SPAG16: variants seen among roughly 807,000 people sequenced by gnomAD.
SPAG16 encodes the protein sperm associated antigen 16.
Under a neutral mutation model 80.4 loss-of-function variants are expected in SPAG16, and 86 were observed. That is an observed-to-expected ratio of 1.07 (90% CI 0.90 to 1.28). The LOEUF is 1.28. Among genes scored for constraint, SPAG16 ranks in the 50% most tolerant of loss-of-function variants. The probability of loss-of-function intolerance (pLI) is 0.00; values close to 1 mark genes in which losing one functional copy is unlikely to be tolerated. For synonymous variants in SPAG16, 294 were observed against 265.9 expected (o/e 1.11, Z -1.03); for missense variants, 870 against 765.3 (o/e 1.14, Z -1.61).
chr2:214,328,776 ATTCTC>A (rs764638770), intron 15 of SPAG16, among the ~76,000 whole-genome samples: 15 of 152,172 alleles, frequency 9.9e-5, no homozygotes, highest in Admixed American at 3.9e-4. Context: ...TGGTTGACAT[ATTCTC>A]TTCTAACTTC....
At position 213,677,360 on chromosome 2, in the gene SPAG16, AT is replaced by A. The variant is rs1200158402; in HGVS notation, c.1071-185122del. 2.6e-5 allele frequency among the ~76,000 whole-genome samples: 4 copies of A among 152,342 alleles called. 1 individual carries two copies. The highest frequency in any genetic ancestry group is 9.6e-5 in the African/African-American group (4 of 41,566). ...GAGTCAAGACCCATCAGTGTGTTGT[AT>A]TTGGGAAACCCATCTCACATGCAGA... is the stretch of plus-strand genomic sequence containing the variant. On this transcript the variant is annotated intron_variant, in intron 10 of 15. Transcript: ENST00000331683.
chr2:213,288,051 G>A (rs140176426), intron 1 of SPAG16, among the ~76,000 whole-genome samples: 7 of 152,246 alleles, frequency 4.6e-5, no homozygotes, highest in African/African-American at 1.7e-4. Context: ...GACTGCAGAT[G>A]TGCGGCACCA....
chr2:213,668,489 C>A (rs2063695923), intron 10 of SPAG16, among the ~76,000 whole-genome samples: 1 of 152,054 alleles, frequency 6.6e-6, no homozygotes. Flanking sequence ...AATTTTTTTA[C>A]AGATAGATTG....
intron 15 of SPAG16, among the ~76,000 whole-genome samples, chr2:214,177,774 C>A (rs1409089490): frequency 2.7e-5 from 4 of 148,916 alleles, no homozygotes; most frequent in Non-Finnish European, 6.0e-5. Context: ...ACCTAACAAA[C>A]AATGAAGTTT....
At chr2:214,382,110 C>A (rs769268420) in intron 15 of SPAG16, among the ~76,000 whole-genome samples, 2 of 152,206 alleles carry the variant, frequency 1.3e-5, no homozygotes, top group African/African-American at 2.4e-5. Context: ...CTCCAGTAAC[C>A]AGAGTCAATG....
chr2:214,019,074 G>T (rs200439509), intron 13 of SPAG16, among the ~76,000 whole-genome samples: 2 of 151,852 alleles, frequency 1.3e-5, no homozygotes, highest in South Asian at 2.1e-4. Context: ...CTTCAAAGTT[G>T]AAGACTATTT....
chr2:213,823,932 T>C (rs997021690), intron 10 of SPAG16, among the ~76,000 whole-genome samples: 1 of 152,226 alleles, frequency 6.6e-6, no homozygotes, highest in Non-Finnish European at 1.5e-5. Flanking sequence ...ATCCAATTTG[T>C]CAATTTTGGC....
chr2:214,021,652 C>G (rs1216538183), intron 13 of SPAG16, among the ~76,000 whole-genome samples: 3 of 152,080 alleles, frequency 2.0e-5, no homozygotes, highest in Admixed American at 6.6e-5. Flanking sequence ...AATTAACCAA[C>G]TTATAAATAT....
chr2:214,005,879 A>G (rs979566428), intron 12 of SPAG16, among the ~76,000 whole-genome samples: 1 of 152,208 alleles, frequency 6.6e-6, no homozygotes, highest in Non-Finnish European at 1.5e-5. Context: ...AAAATCCCTC[A>G]TGAACTTGGA....
At chr2:213,979,554 G>C (rs115192783) in intron 12 of SPAG16, among the ~76,000 whole-genome samples, 1 of 152,104 alleles carries the variant, frequency 6.6e-6, no homozygotes, top group East Asian at 1.9e-4. Flanking sequence ...GTGAGTGCAA[G>C]CATGGGAAAT....
chr2:213,536,420 G>A (rs951268249), intron 10 of SPAG16, among the ~76,000 whole-genome samples: 7 of 152,160 alleles, frequency 4.6e-5, no homozygotes, highest in African/African-American at 1.7e-4. Flanking sequence ...TTCCACAAGG[G>A]TTGAAGTAGT....
chr2:214,033,302 G>C (rs1287723886), intron 13 of SPAG16, among the ~76,000 whole-genome samples: 1 of 152,308 alleles, frequency 6.6e-6, no homozygotes, highest in Non-Finnish European at 1.5e-5. Context: ...GATATTTATA[G>C]TTTTGTGGTT....
chr2:213,363,742 A>G (rs1276188529), intron 7 of SPAG16, among the ~76,000 whole-genome samples: 1 of 152,120 alleles, frequency 6.6e-6, no homozygotes, highest in African/African-American at 2.4e-5. Flanking sequence ...TTGTGAAACA[A>G]TTTGAACAGA....
chr2:214,245,488 T>C (rs1427177910), intron 15 of SPAG16, among the ~76,000 whole-genome samples: 1 of 152,182 alleles, frequency 6.6e-6, no homozygotes, highest in East Asian at 1.9e-4. Context: ...TGAGCATTTT[T>C]CTCTATACAA....
intron 10 of SPAG16, among the ~76,000 whole-genome samples, chr2:213,725,288 G>C (rs544768756): frequency 6.6e-6 from 1 of 152,058 alleles, no homozygotes; most frequent in Non-Finnish European, 1.5e-5. Flanking sequence ...CCTCTCAAAG[G>C]GCTGGTATTA....
chr2:213,825,047 T>A (rs2073189888), intron 10 of SPAG16, among the ~76,000 whole-genome samples: 2 of 152,154 alleles, frequency 1.3e-5, no homozygotes, highest in Non-Finnish European at 2.9e-5. Flanking sequence ...TGTAGAAATG[T>A]AGAAATGCTA....
chr2:213,850,532 T>A (rs1460054040), intron 10 of SPAG16, among the ~76,000 whole-genome samples: 1 of 152,206 alleles, frequency 6.6e-6, no homozygotes, highest in African/African-American at 2.4e-5. Flanking sequence ...TGGTTCAGAT[T>A]CTTCTGGCCT....
chr2:214,372,016 A>G (rs1287065617), intron 15 of SPAG16, among the ~76,000 whole-genome samples: 2 of 152,126 alleles, frequency 1.3e-5, no homozygotes, highest in East Asian at 1.9e-4. Context: ...TATATCTTAT[A>G]TGTAGTTCAT....
At chr2:213,700,746 CA>C (rs1432573105) in intron 10 of SPAG16, among the ~76,000 whole-genome samples, 1 of 152,186 alleles carries the variant, frequency 6.6e-6, no homozygotes, top group Non-Finnish European at 1.5e-5. Flanking sequence ...TTAATCTATA[CA>C]AAGGTCCCTT....
Sources: gnomAD v4.1 joint callset for allele counts (sites outside exome capture counted in the v4.1 genomes callset) on GRCh38, gnomAD v4.1.1 for gene constraint, MANE v1.5 for transcripts, NCBI Gene and HGNC (gene_info 2026-07-23, HGNC 2026-07-21) for gene names.